Variants in HIF3A observed in about 807,000 individuals in gnomAD.
The protein encoded by HIF3A is hypoxia-inducible factor 3-alpha.
A neutral mutation model predicts 67.2 loss-of-function variants in HIF3A; 41 were observed. The observed-to-expected ratio is 0.61, with a 90% CI of 0.48 to 0.79. The LOEUF is 0.79. Ranked by LOEUF, HIF3A falls within the 30% of genes least tolerant of loss-of-function variation. The probability of loss-of-function intolerance (pLI) is 0.00; values close to 1 mark genes in which losing one functional copy is unlikely to be tolerated. For missense variants in HIF3A, 855 were observed against 898.0 expected (o/e 0.95, Z 0.61); for synonymous variants, 356 against 374.8 (o/e 0.95, Z 0.58).
intron 13 of HIF3A, 39 bp from the exon 14 acceptor site, chr19:46,334,866 G>C (rs898792819): frequency 2.1e-6 from 3 of 1,420,758 alleles, no homozygotes; most frequent in Non-Finnish European, 2.0e-6. Context: ...GGATACTAAT[G>C]ATGATGATGA....
chr19:46,309,344 C>T lies in HIF3A; in HGVS notation c.755C>T (p.Thr252Ile). 2 of 1,608,996 alleles carry T rather than the reference C, an allele frequency of 1.2e-6. No individual in the cohort carries two copies. Among genetic ancestry groups the T allele is most frequent in the Non-Finnish European group, 1.7e-6 (2 of 1,177,622 alleles). Reference sequence around the variant, plus strand: ...CGCCACAGCCTGGACATGAAGTTCACCTACTGTGACGACAGGTGGGCAGGG... The same window carrying T: ...CGCCACAGCCTGGACATGAAGTTCATCTACTGTGACGACAGGTGGGCAGGG... ...LSRHSLDMKF[T>I]YCDDRIAEVA... The change falls in exon 6 of 15, where the codon ACC becomes ATC. Residue 252 changes from threonine (T) to isoleucine (I), a missense_variant. By Grantham distance (89) the Thr-to-Ile change is moderately conservative (BLOSUM62 -1). This residue lies in a region of HIF3A where 638 missense variants were observed against 660.5 expected (regional missense o/e 0.97). Coordinates refer to ENST00000377670, the MANE Select transcript of HIF3A (RefSeq NM_152795.4).
At chr19:46,321,626 C>T (rs1301939777) in intron 9 of HIF3A, 150 bp from the exon 10 acceptor site, 1 of 707,594 alleles carries the variant, frequency 1.4e-6, no homozygotes, top group East Asian at 2.5e-5. Flanking sequence ...CAGGGGTCCT[C>T]CAGGCCCCTT....
At chr19:46,311,003 G>A (rs1969380983) in intron 6 of HIF3A, among the ~76,000 whole-genome samples, 1 of 152,084 alleles carries the variant, frequency 6.6e-6, no homozygotes, top group South Asian at 2.1e-4. Context: ...GGCCCGCCTC[G>A]GCCTCCCAAA....
At chr19:46,308,378 TC>T in intron 4 of HIF3A, 73 bp downstream of exon 4, 1 of 901,116 alleles carries the variant, frequency 1.1e-6, no homozygotes, top group Non-Finnish European at 1.8e-6. Flanking sequence ...CCTCAGCATA[TC>T]CCCACCTCCT....
Position 46,305,197 on chromosome 19 carries a change from G to C in HIF3A, c.218-48G>C, listed in dbSNP as rs542902622. The C allele has an allele frequency of 1.2e-5, 19 of 1,612,614 alleles. No individual in the cohort carries two copies. The South Asian group carries it at 2.1e-4, about 18-fold the overall frequency. On this transcript the variant is annotated intron_variant, in intron 2 of 14. Transcript: ENST00000377670. ...TAGCCCAGGGTCAGTCCATAATTCA[G>C]ACCATAACTGACTAGAGATGCCCCC...
chr19:46,309,257 G>C lies in HIF3A; in HGVS notation c.668G>C (p.Cys223Ser). Reference sequence around the variant, plus strand: ...CCGCTGCAGTGCCTGGTGCTCATCTGCGAAGCCATCCCCCACCCAGGCAGC... The same window carrying C: ...CCGCTGCAGTGCCTGGTGCTCATCTCCGAAGCCATCCCCCACCCAGGCAGC... The part of the protein sequence containing the change: ...EPPLQCLVLI[C>S]EAIPHPGSLE... The change falls in exon 6 of 15, where the codon TGC (cysteine) becomes TCC (serine). Residue 223 changes from cysteine to serine, a missense_variant. This residue lies in a region of HIF3A where 638 missense variants were observed against 660.5 expected (regional missense o/e 0.97). Transcript: ENST00000377670. 1 of 1,613,940 alleles carries C rather than the reference G, an allele frequency of 6.2e-7. No individual in the cohort carries two copies. The highest frequency in any genetic ancestry group is 8.5e-7 in the Non-Finnish European group (1 of 1,179,940).
chr19:46,322,002 A>G, intron 10 of HIF3A, 36 bp downstream of exon 10: 1 of 1,603,742 alleles, frequency 6.2e-7, no homozygotes. Flanking sequence ...CTCAGCATCC[A>G]GTGCTCAGTC....
intron 13 of HIF3A, among the ~76,000 whole-genome samples, chr19:46,332,517 A>G (rs542022384): frequency 6.6e-6 from 1 of 152,272 alleles, no homozygotes; most frequent in East Asian, 1.9e-4. Context: ...TCCGGCCTAG[A>G]TGACAGCACA....
At chr19:46,326,469 G>A (rs1970789954) in intron 11 of HIF3A, among the ~76,000 whole-genome samples, 1 of 152,144 alleles carries the variant, frequency 6.6e-6, no homozygotes, top group Non-Finnish European at 1.5e-5. Context: ...ACATAAGAGT[G>A]TGAACATCAA....
intron 6 of HIF3A, chr19:46,310,757 G>GT (rs1568512415): frequency 3.1e-6 from 1 of 324,638 alleles, no homozygotes; most frequent in East Asian, 1.2e-4. Context: ...ATTACTTTTT[G>GT]TTGTTGTTGT....
At position 46,297,137 on chromosome 19, in the gene HIF3A, G is replaced by A; in HGVS notation, c.26+35G>A. ...TTCGGGGGCAGGAGTTCTGGGAATT[G>A]GGGGGCTCTCCTCCTGGAGACCCCT... On this transcript the variant is annotated intron_variant, in intron 1 of 14. Coordinates refer to ENST00000377670, the MANE Select transcript of HIF3A (RefSeq NM_152795.4). This position sits in a 1 kb window ranked among gnomAD's most constrained non-coding sequence, Gnocchi z 4.5. 8.2e-7 allele frequency: 1 copy of A among 1,214,942 alleles called. No homozygotes were observed. Among genetic ancestry groups the A allele is most frequent in the Non-Finnish European group, 1.1e-6 (1 of 934,010 alleles). 75.3% of individuals were successfully genotyped at this position (1,214,942 alleles called of 1,614,324 possible).
chr19:46,334,933 C>T lies in HIF3A; in HGVS notation c.1859C>T (p.Pro620Leu), dbSNP rs1971498692. The change falls in exon 14 of 15, where the codon CCA becomes CTA. Residue 620 changes from proline to leucine, a missense_variant. This residue lies in a region of HIF3A where 199 missense variants were observed against 193.8 expected (regional missense o/e 1.03). Coordinates refer to ENST00000377670, the MANE Select transcript of HIF3A (RefSeq NM_152795.4). The part of the protein sequence containing the change: ...LSFLLTGGPA[P>L]GSLQDPSTPL... The stretch of plus-strand genomic sequence containing the variant: ...TTCCTTCTGACAGGAGGACCAGCCC[C>T]AGGGAGCCTGCAGGACCCCAGCACC... 1 of 1,609,478 alleles carries T rather than the reference C, an allele frequency of 6.2e-7. No homozygotes were observed. The highest frequency in any genetic ancestry group is 8.5e-7 in the Non-Finnish European group (1 of 1,178,082).
intron 13 of HIF3A, among the ~76,000 whole-genome samples, chr19:46,333,728 T>TA (rs1215665457): frequency 1.4e-4 from 21 of 151,864 alleles, no homozygotes; most frequent in African/African-American, 4.8e-4. Context: ...TGGATATATA[T>TA]TTTTTTCCTT....
At position 46,340,603 on chromosome 19, in the gene HIF3A, T is replaced by C. The variant is rs1177542272; in HGVS notation, c.*981T>C. On this transcript the variant is annotated 3_prime_UTR_variant, in exon 15 of 15. Transcript: ENST00000377670. ...GCAGCCTCCGCGCCCTGGGTTCAAGTGATTCTCCTGCCTCAACTTCCCAAA... is the reference window on the plus strand; with the variant it reads ...GCAGCCTCCGCGCCCTGGGTTCAAGCGATTCTCCTGCCTCAACTTCCCAAA... 1 of 152,152 alleles carries C rather than the reference T, an allele frequency of 6.6e-6. No individual in the cohort carries two copies. The highest frequency in any genetic ancestry group is 1.5e-5 in the Non-Finnish European group (1 of 68,116). The allele number at this position is 152,152 out of a possible 1,614,324, so 9.4% of individuals were successfully genotyped here. A position where few individuals can be genotyped will look rare whatever the true frequency, so the allele number is the denominator to read the frequency against.
chr19:46,340,500 T>C lies in HIF3A; in HGVS notation c.*878T>C, dbSNP rs900152298. ...CCTCTTCCTCCTGCTCCTCTTCCTC[T>C]TCTTCTTCTTTTTTTTTTTTGACAG... On this transcript the variant is annotated 3_prime_UTR_variant, in exon 15 of 15. Transcript: ENST00000377670. 6.5e-6 allele frequency: 1 copy of C among 154,952 alleles called. No homozygotes were observed. Among genetic ancestry groups the C allele is most frequent in the Non-Finnish European group, 1.4e-5 (1 of 70,164 alleles). 9.6% of individuals were successfully genotyped at this position (154,952 alleles called of 1,614,324 possible). A position where few individuals can be genotyped will look rare whatever the true frequency, so the allele number is the denominator to read the frequency against.
At chr19:46,333,788 C>CTTTTTTTTTTTTTTTTTTTTTTT (rs1165101162) in intron 13 of HIF3A, among the ~76,000 whole-genome samples, 2 of 103,564 alleles carry the variant, frequency 1.9e-5, no homozygotes, top group Non-Finnish European at 3.9e-5. Context: ...TTCTTTCTTT[C>CTTTTTTTTTTTTTTTTTTTTTTT]TTTTTTTTTT....
intron 14 of HIF3A, chr19:46,338,461 C>T: frequency 9.2e-7 from 1 of 1,083,190 alleles, no homozygotes; most frequent in Non-Finnish European, 1.2e-6. Context: ...CCTTGGCCTC[C>T]CAAAGTGCTG....
At chr19:46,298,631 C>G (rs935991748) in intron 1 of HIF3A, 12 of 684,442 alleles carry the variant, frequency 1.8e-5, no homozygotes, top group Non-Finnish European at 4.1e-6. Flanking sequence ...GGCTTGCAGC[C>G]CAGAGTGCCC....
chr19:46,318,500 G>T (rs559229890), intron 8 of HIF3A, among the ~76,000 whole-genome samples: 1 of 122,244 alleles, frequency 8.2e-6, no homozygotes, highest in Admixed American at 1.0e-4. Flanking sequence ...AGTGAGCCGA[G>T]ATCGCACCAC....
Sources: gnomAD v4.1 joint callset for allele counts (sites outside exome capture counted in the v4.1 genomes callset) on GRCh38, gnomAD v4.1.1 for gene constraint, gnomAD v4.1.1 regional missense constraint, Gnocchi (gnomAD v3.1) non-coding constraint, MANE v1.5 for transcripts, NCBI Gene and HGNC (gene_info 2026-07-23, HGNC 2026-07-21) for gene names.